The following NRXN1 variants were observed in gnomAD, a reference collection of about 807,000 sequenced individuals.
NRXN1 encodes neurexin 1.
A neutral mutation model predicts 150.9 loss-of-function variants in NRXN1; 39 were observed. The observed-to-expected ratio is 0.26, with a 90% CI of 0.20 to 0.34. NRXN1 has a LOEUF of 0.34. Among genes scored for constraint, NRXN1 ranks in the 10% least tolerant of loss-of-function variants. NRXN1 has a pLI of 1.00. For synonymous variants in NRXN1, 924 were observed against 757.0 expected, an observed-to-expected ratio of 1.22 and a Z score of -3.62; for missense variants, 1,815 against 1,949.9, an observed-to-expected ratio of 0.93 and a Z score of 1.30.
At chr2:50,289,450 C>T (rs2072625869) in intron 17 of NRXN1, among the ~76,000 whole-genome samples, 2 of 152,122 alleles carry the variant, frequency 1.3e-5, no homozygotes, top group South Asian at 2.1e-4. Context: ...CAGAAATATC[C>T]ACTTATTCAC....
At chr2:50,205,612 C>T (rs1195009943) in intron 18 of NRXN1, among the ~76,000 whole-genome samples, 1 of 152,138 alleles carries the variant, frequency 6.6e-6, no homozygotes, top group Admixed American at 6.6e-5. Context: ...GAAAACTGGA[C>T]ATCAAGCAGC....
intron 5 of NRXN1, among the ~76,000 whole-genome samples, chr2:50,894,679 G>A (rs1681645023): frequency 6.6e-6 from 1 of 152,068 alleles, no homozygotes; most frequent in Admixed American, 6.6e-5. Flanking sequence ...GGTGAGCCAT[G>A]TGGTTATATA....
At chr2:50,650,059 C>A (rs1194512628) in intron 5 of NRXN1, among the ~76,000 whole-genome samples, 1 of 151,934 alleles carries the variant, frequency 6.6e-6, no homozygotes, top group Admixed American at 6.6e-5. Context: ...TGCTCTTAGC[C>A]CTGAAGAATC....
At position 50,320,025 on chromosome 2, in the gene NRXN1, T is replaced by G. The variant is rs368130766; in HGVS notation, c.3365-83055A>C. On this transcript the variant is annotated intron_variant, in intron 17 of 22. Coordinates refer to ENST00000401669, the MANE Select transcript of NRXN1 (RefSeq NM_001330078.2). ...GGTACACAGGTAAAGGACAGTGTTA[T>G]CGAAACCTAACATTTCCCTAACTAT... Among the ~76,000 whole-genome samples, 9 of 151,844 alleles carry G rather than the reference T, an allele frequency of 5.9e-5. No homozygotes were observed. The South Asian group carries it at 1.9e-3, about 32-fold the overall frequency.
intron 21 of NRXN1, among the ~76,000 whole-genome samples, chr2:49,974,358 C>T (rs981110084): frequency 2.6e-5 from 4 of 152,270 alleles, no homozygotes; most frequent in African/African-American, 9.6e-5. Context: ...TTTCAATTTG[C>T]TCCCCTAACG....
intron 17 of NRXN1, among the ~76,000 whole-genome samples, chr2:50,299,692 A>G (rs1191085528): frequency 6.6e-6 from 1 of 152,200 alleles, no homozygotes; most frequent in Admixed American, 6.5e-5. Flanking sequence ...TAAAAGTTAA[A>G]GGAAGAAATG....
chr2:50,036,148 T>A (rs952832431), intron 21 of NRXN1, among the ~76,000 whole-genome samples: 7 of 152,132 alleles, frequency 4.6e-5, no homozygotes, highest in African/African-American at 1.4e-4. Context: ...AATCCCCATG[T>A]GTCAAGGAAG....
chr2:50,082,882 T>A (rs1055169866), intron 19 of NRXN1, among the ~76,000 whole-genome samples: 1 of 152,164 alleles, frequency 6.6e-6, no homozygotes, highest in African/African-American at 2.4e-5. Context: ...CCCAATAGTA[T>A]CCAAATAGCA....
At chr2:50,087,166 A>AG (rs1698905701) in intron 19 of NRXN1, among the ~76,000 whole-genome samples, 1 of 152,186 alleles carries the variant, frequency 6.6e-6, no homozygotes. Flanking sequence ...TTCAGAAATT[A>AG]GCCAAATATG....
At chr2:50,256,969 C>G (rs775652651) in intron 17 of NRXN1, among the ~76,000 whole-genome samples, 3 of 152,008 alleles carry the variant, frequency 2.0e-5, no homozygotes, top group African/African-American at 7.2e-5. Context: ...GAATCTTATA[C>G]TGTGTTGAGA....
chr2:50,497,250 T>A, intron 14 of NRXN1, 83 bp downstream of exon 14: 1 of 1,097,364 alleles, frequency 9.1e-7, no homozygotes, highest in East Asian at 2.5e-5. Context: ...AGCCAGTATG[T>A]TCTTCTTAGT....
chr2:50,976,670 G>A (rs1040607081), intron 2 of NRXN1, among the ~76,000 whole-genome samples: 2 of 151,672 alleles, frequency 1.3e-5, no homozygotes, highest in African/African-American at 4.8e-5. Flanking sequence ...AGAAGTACTC[G>A]GGAACTGTAA....
At chr2:50,344,445 G>A (rs1275944392) in intron 17 of NRXN1, among the ~76,000 whole-genome samples, 1 of 152,014 alleles carries the variant, frequency 6.6e-6, no homozygotes, top group Non-Finnish European at 1.5e-5. Flanking sequence ...GCATGAAGGA[G>A]AGTGGGCAGA....
chr2:50,586,962 TTC>T (rs1345132226), intron 8 of NRXN1, among the ~76,000 whole-genome samples: 2 of 152,210 alleles, frequency 1.3e-5, no homozygotes, highest in African/African-American at 4.8e-5. Flanking sequence ...AATACATGGC[TTC>T]TGTTTTGTAT....
At chr2:50,226,758 A>G (rs548548086) in intron 18 of NRXN1, among the ~76,000 whole-genome samples, 1 of 152,000 alleles carries the variant, frequency 6.6e-6, no homozygotes, top group South Asian at 2.1e-4. Context: ...TAAACTGGAA[A>G]CATGCTGATA....
intron 21 of NRXN1, among the ~76,000 whole-genome samples, chr2:49,968,577 T>C (rs1677369016): frequency 6.6e-6 from 1 of 152,018 alleles, no homozygotes; most frequent in Non-Finnish European, 1.5e-5. Flanking sequence ...CAGGTATTGA[T>C]ATTAAGGGAT....
At chr2:49,992,986 G>A (rs1573278284) in intron 21 of NRXN1, among the ~76,000 whole-genome samples, 1 of 152,216 alleles carries the variant, frequency 6.6e-6, no homozygotes, top group African/African-American at 2.4e-5. Context: ...CAGCCATTTT[G>A]GAAGAGAGTT....
At chr2:50,511,361 C>A (rs558507996) in intron 12 of NRXN1, among the ~76,000 whole-genome samples, 4 of 152,126 alleles carry the variant, frequency 2.6e-5, no homozygotes, top group African/African-American at 9.7e-5. Context: ...CCAGCCCTAA[C>A]AAACTTTTAA....
chr2:50,576,447 C>T (rs961443275), intron 8 of NRXN1, among the ~76,000 whole-genome samples: 1 of 152,094 alleles, frequency 6.6e-6, no homozygotes, highest in African/African-American at 2.4e-5. Context: ...AATACCAGTG[C>T]ATTCCTGATT....
Sources: gnomAD v4.1 joint callset for allele counts (sites outside exome capture counted in the v4.1 genomes callset) on GRCh38, gnomAD v4.1.1 for gene constraint, MANE v1.5 for transcripts, NCBI Gene and HGNC (gene_info 2026-07-23, HGNC 2026-07-21) for gene names.